The following TMEM132E variants were observed in gnomAD, a reference collection of about 807,000 sequenced individuals.
The protein encoded by TMEM132E is transmembrane protein 132E.
A neutral mutation model predicts 78.5 loss-of-function variants in TMEM132E; 49 were observed. The observed-to-expected ratio is 0.62, with a 90% CI of 0.50 to 0.79. The LOEUF (loss-of-function observed/expected upper bound fraction) is 0.79, where lower values mean the gene tolerates loss of function less well. Among genes scored for constraint, TMEM132E ranks in the 30% least tolerant of loss-of-function variants. The probability of loss-of-function intolerance (pLI) is 0.00; values close to 1 mark genes in which losing one functional copy is unlikely to be tolerated. For synonymous variants in TMEM132E, 715 were observed against 670.6 expected (o/e 1.07, Z -1.02); for missense variants, 1,403 against 1,470.9 (o/e 0.95, Z 0.75).
Position 34,635,087 on chromosome 17 carries a change from G to A in TMEM132E, c.1977G>A (p.Lys659=), listed in dbSNP as rs1439585071. Residue 659 remains lysine, a splice_region_variant and synonymous_variant, in exon 7 of 9, where the codon AAG becomes AAA. Transcript: ENST00000631683. ...TGGAGCCAGGCACCACCCCCTTTAA[G>A]GTAGGTATGGGCTCTGTCCCAGCAC... is the stretch of plus-strand genomic sequence containing the variant. ...AGLEPGTTPF[K]VVSPLTEAVL... is the part of the protein sequence containing the mutation. The A allele has an allele frequency of 1.9e-6, 3 of 1,609,156 alleles. No individual in the cohort carries two copies. The highest frequency in any genetic ancestry group is 1.7e-6 in the Non-Finnish European group (2 of 1,177,532).
chr17:34,628,933 C>T (rs1444882757), intron 3 of TMEM132E, 79 bp from the exon 4 acceptor site: 5 of 1,480,262 alleles, frequency 3.4e-6, no homozygotes, highest in Non-Finnish European at 4.5e-6. Context: ...GGGGTGGGGT[C>T]CCCACTGAGA....
At chr17:34,628,527 G>T in intron 2 of TMEM132E, 36 bp from the exon 3 acceptor site, 2 of 1,611,574 alleles carry the variant, frequency 1.2e-6, no homozygotes, top group South Asian at 2.2e-5. Flanking sequence ...GCTGTAGCCT[G>T]ACCCTCTCCC....
chr17:34,611,550 C>A (rs529193873), intron 1 of TMEM132E, among the ~76,000 whole-genome samples: 1 of 152,162 alleles, frequency 6.6e-6, no homozygotes, highest in African/African-American at 2.4e-5. Context: ...CAAGAGAAAC[C>A]AAGTATAATA....
chr17:34,613,640 C>T (rs1374575353), intron 1 of TMEM132E, among the ~76,000 whole-genome samples: 1 of 152,054 alleles, frequency 6.6e-6, no homozygotes, highest in South Asian at 2.1e-4. Flanking sequence ...TTCCTTTGAA[C>T]CCTAGCTTTC....
chr17:34,595,600 G>C (rs1906029800), intron 1 of TMEM132E, among the ~76,000 whole-genome samples: 1 of 152,176 alleles, frequency 6.6e-6, no homozygotes, highest in African/African-American at 2.4e-5. Context: ...AGGGCTGGCA[G>C]GGAGATTCAG....
rs929193786 is a variant in TMEM132E, at chr17:34,611,111, C to T, written c.68-15016C>T. ...TGCCTGGAATTTTTTATTCTTGTCT[C>T]AACACCTACCAGGTGGAATGTGTGA... is the stretch of plus-strand genomic sequence containing the variant. On this transcript the variant is annotated intron_variant, in intron 1 of 8. Transcript: ENST00000631683. Among the ~76,000 whole-genome samples, 3 of 152,252 alleles carry T rather than the reference C, an allele frequency of 2.0e-5. No homozygotes were observed. In the East Asian group the frequency reaches 5.8e-4, roughly 29 times the overall value.
chr17:34,593,361 G>A (rs780771961), intron 1 of TMEM132E, among the ~76,000 whole-genome samples: 13 of 152,264 alleles, frequency 8.5e-5, no homozygotes, highest in East Asian at 3.9e-4. Context: ...TCCCCTGTGC[G>A]TTCTGCCTTG....
chr17:34,590,238 GCTGGACACCAGGAATC>G (rs1241068040), intron 1 of TMEM132E, among the ~76,000 whole-genome samples: 5 of 152,200 alleles, frequency 3.3e-5, no homozygotes, highest in Admixed American at 2.0e-4. Flanking sequence ...CACATCCTGT[GCTGGACACCAGGAATC>G]CTCCCCCCCG....
chr17:34,599,204 G>A (rs546604908), intron 1 of TMEM132E, among the ~76,000 whole-genome samples: 5 of 152,288 alleles, frequency 3.3e-5, no homozygotes, highest in Admixed American at 6.5e-5. Flanking sequence ...GAGGTGGGGG[G>A]TTCCCCACAG....
chr17:34,607,673 C>T (rs186440746), intron 1 of TMEM132E, among the ~76,000 whole-genome samples: 31 of 152,298 alleles, frequency 2.0e-4, no homozygotes, highest in African/African-American at 6.3e-4. Context: ...TTCTGTCTGA[C>T]TCGGCTACGA....
rs1356963711 is a variant in TMEM132E at position 34,630,011 on chromosome 17, A to G, written c.1342A>G (p.Thr448Ala). 1.2e-6 allele frequency: 2 copies of G among 1,607,608 alleles called. No homozygotes were observed. Among genetic ancestry groups the G allele is most frequent in the South Asian group, 1.1e-5 (1 of 90,806 alleles). ...CCCCCCCTTCTCCTCCCTGCAGGAC[A>G]CAGAGATCATCAACACGGCCATTCT... ...VQAILPLAMD[T>A]EIINTAILTG... The change falls in exon 5 of 9, where the codon ACA (threonine) becomes GCA (alanine). Residue 448 changes from threonine to alanine, a missense_variant. By Grantham distance (58) the Thr-to-Ala change is moderately conservative. Transcript: ENST00000631683.
chr17:34,616,588 G>A (rs1316401028), intron 1 of TMEM132E, among the ~76,000 whole-genome samples: 1 of 152,198 alleles, frequency 6.6e-6, no homozygotes, highest in East Asian at 1.9e-4. Flanking sequence ...GGAAAGTGGA[G>A]CCTCCAGGTT....
At chr17:34,583,424 G>A (rs1025362422) in intron 1 of TMEM132E, among the ~76,000 whole-genome samples, 1 of 152,230 alleles carries the variant, frequency 6.6e-6, no homozygotes, top group African/African-American at 2.4e-5. Flanking sequence ...GATGGGTAAG[G>A]CCAGTATGAT....
chr17:34,637,070 G>T, intron 8 of TMEM132E, 107 bp from the exon 9 acceptor site: 1 of 955,374 alleles, frequency 1.0e-6, no homozygotes, highest in South Asian at 1.6e-5. Context: ...GAATACAGCA[G>T]GGAGCCAGAG....
intron 1 of TMEM132E, among the ~76,000 whole-genome samples, chr17:34,609,328 ATGGGGAGAGG>A (rs1331498726): frequency 6.6e-6 from 1 of 152,090 alleles, no homozygotes; most frequent in Non-Finnish European, 1.5e-5. Context: ...GTGAAGTGAG[ATGGGGAGAGG>A]TGGGGAGGAA....
At chr17:34,631,920 C>A (rs1907360124) in intron 5 of TMEM132E, among the ~76,000 whole-genome samples, 1 of 152,204 alleles carries the variant, frequency 6.6e-6, no homozygotes, top group Admixed American at 6.5e-5. Context: ...TCTGCATTTG[C>A]CCTAAAGTAC....
At chr17:34,597,434 T>C (rs1007965889) in intron 1 of TMEM132E, among the ~76,000 whole-genome samples, 1 of 152,174 alleles carries the variant, frequency 6.6e-6, no homozygotes, top group Non-Finnish European at 1.5e-5. Context: ...GATCTTAGGA[T>C]CTTTTTCATT....
chr17:34,624,594 G>A (rs1907063019), intron 1 of TMEM132E, among the ~76,000 whole-genome samples: 1 of 152,222 alleles, frequency 6.6e-6, no homozygotes, highest in African/African-American at 2.4e-5. Flanking sequence ...AATGCAGAGG[G>A]TGCAGCATGA....
chr17:34,612,748 C>T (rs553443369), intron 1 of TMEM132E, among the ~76,000 whole-genome samples: 13 of 152,154 alleles, frequency 8.5e-5, no homozygotes, highest in Admixed American at 2.0e-4. Context: ...CTTCCAGGCT[C>T]ACTGCTCCCA....
Sources: allele counts gnomAD v4.1 joint callset (sites outside exome capture counted in the v4.1 genomes callset), GRCh38; gene constraint gnomAD v4.1.1; transcripts MANE v1.5; gene names NCBI Gene and HGNC (gene_info 2026-07-23, HGNC 2026-07-21).